The following DPH6 variants were observed in gnomAD, a reference collection of about 807,000 sequenced individuals.
The protein encoded by DPH6 is diphthamine biosynthesis 6.
In DPH6, 33 loss-of-function variants were observed where a neutral mutation model predicts 38.2. The ratio of observed to expected loss-of-function variants is 0.86; its 90% CI spans 0.65 to 1.15. The LOEUF is 1.15. DPH6 is among the 50% of genes most tolerant of loss of function. The pLI is 0.00. For synonymous variants in DPH6, 108 were observed against 103.0 expected (o/e 1.05, Z -0.30); for missense variants, 325 against 320.0 (o/e 1.02, Z -0.12).
At chr15:35,403,967 A>C (rs753866093) in intron 6 of DPH6, among the ~76,000 whole-genome samples, 1 of 152,110 alleles carries the variant, frequency 6.6e-6, no homozygotes, top group African/African-American at 2.4e-5. Flanking sequence ...AATAAGTGAC[A>C]ATGTGTGATG....
intron 3 of DPH6, among the ~76,000 whole-genome samples, chr15:35,315,312 GTTT>G (rs1275817333): frequency 6.6e-6 from 1 of 152,178 alleles, no homozygotes; most frequent in Non-Finnish European, 1.5e-5. Context: ...CTTTCCAAGA[GTTT>G]GTTGAATCCT....
In DPH6 at chr15:35,235,193, G is replaced by GAAAGAGA. The variant is rs534215524; in HGVS notation, n.201-14618_201-14612dup. Among the ~76,000 whole-genome samples the GAAAGAGA allele has an allele frequency of 2.0e-3, 297 of 152,284 alleles. 2 individuals carry two copies. The highest frequency in any genetic ancestry group is 0.017 in the South Asian group (80 of 4,818). On this transcript the variant is annotated intron_variant and non_coding_transcript_variant, in intron 3 of 3. Transcript: ENST00000560386. The stretch of plus-strand genomic sequence containing the variant: ...TACTGGAGCCACTTGGGCCACAAGT[G>GAAAGAGA]AAAGAGAGCCTGGGAGTTTTCCAAT...
chr15:35,309,258 C>A (rs2052120162), intron 3 of DPH6, among the ~76,000 whole-genome samples: 1 of 152,046 alleles, frequency 6.6e-6, no homozygotes, highest in African/African-American at 2.4e-5. Flanking sequence ...CGTTTTTAGA[C>A]ATAATTTTCT....
the DPH6 span, among the ~76,000 whole-genome samples, chr15:35,186,028 C>T: frequency 3.3e-5 from 5 of 152,232 alleles, no homozygotes; most frequent in Admixed American, 6.5e-5. Flanking sequence ...GCCACTGCGC[C>T]CGGCCCCCAG....
intron 3 of DPH6, among the ~76,000 whole-genome samples, chr15:35,226,269 T>C (rs1003998715): frequency 9.9e-5 from 15 of 152,252 alleles, no homozygotes; most frequent in Non-Finnish European, 1.8e-4. Context: ...CTTTATTTTT[T>C]CAGCTAAAAT....
At chr15:35,152,626 A>C in the DPH6 span, among the ~76,000 whole-genome samples, 1 of 152,054 alleles carries the variant, frequency 6.6e-6, no homozygotes, top group Non-Finnish European at 1.5e-5. Flanking sequence ...CAGCCTCCCA[A>C]GTAGCTAGGA....
chr15:35,230,966 G>T (rs927171360), intron 3 of DPH6, among the ~76,000 whole-genome samples: 28 of 152,344 alleles, frequency 1.8e-4, no homozygotes, highest in African/African-American at 6.3e-4. Context: ...TGTGCAGCCT[G>T]GGTTTAGGGG....
the DPH6 span, among the ~76,000 whole-genome samples, chr15:35,166,054 C>T: frequency 0.04 from 6,154 of 151,988 alleles, 144 homozygotes; most frequent in African/African-American, 0.071. Context: ...TGATGTGCTA[C>T]ACCAAAATAT....
At chr15:35,449,008 C>CA (rs2053894594) in intron 5 of DPH6, among the ~76,000 whole-genome samples, 1 of 67,560 alleles carries the variant, frequency 1.5e-5, no homozygotes, top group East Asian at 4.9e-4. Context: ...TGCTTAAATC[C>CA]AAAAAAAGTC....
chr15:35,529,750 G>T (rs527651699), intron 3 of DPH6, among the ~76,000 whole-genome samples: 1 of 152,066 alleles, frequency 6.6e-6, no homozygotes, highest in Admixed American at 6.5e-5. Flanking sequence ...AAGAATAAGA[G>T]GATTAAGAAA....
chr15:35,337,335 CT>C (rs2052381508), intron 3 of DPH6, among the ~76,000 whole-genome samples: 1 of 152,158 alleles, frequency 6.6e-6, no homozygotes, highest in East Asian at 1.9e-4. Flanking sequence ...ATTCTTCTCT[CT>C]TTTTTTCTTT....
the DPH6 span, among the ~76,000 whole-genome samples, chr15:35,154,085 T>C: frequency 1.3e-5 from 2 of 152,114 alleles, no homozygotes; most frequent in Non-Finnish European, 1.5e-5. Context: ...AAAGTTACAA[T>C]TAGGAGGAAT....
At chr15:35,439,224 C>T (rs1025135860) in intron 5 of DPH6, among the ~76,000 whole-genome samples, 1 of 152,166 alleles carries the variant, frequency 6.6e-6, no homozygotes, top group Non-Finnish European at 1.5e-5. Flanking sequence ...ATGGAATGGA[C>T]CGAACTAATG....
At chr15:35,154,862 T>A in the DPH6 span, among the ~76,000 whole-genome samples, 1 of 152,142 alleles carries the variant, frequency 6.6e-6, no homozygotes, top group African/African-American at 2.4e-5. Flanking sequence ...AGCCTGTAGA[T>A]GATTGTAATC....
chr15:35,184,302 C>T, the DPH6 span, among the ~76,000 whole-genome samples: 1 of 152,118 alleles, frequency 6.6e-6, no homozygotes, highest in East Asian at 1.9e-4. Flanking sequence ...GAAAGCTACT[C>T]TAAATCCTTC....
intron 3 of DPH6, among the ~76,000 whole-genome samples, chr15:35,255,898 G>A (rs912963009): frequency 6.6e-6 from 1 of 151,830 alleles, no homozygotes; most frequent in African/African-American, 2.4e-5. Flanking sequence ...CTCCATAATG[G>A]TGAATAACAC....
chr15:35,519,786 A>G (rs1267334924), intron 3 of DPH6: 1 of 152,308 alleles, frequency 6.6e-6, no homozygotes, highest in African/African-American at 2.4e-5. Flanking sequence ...AAAACTGTCT[A>G]TAACATGTAA....
chr15:35,465,897 G>A (rs926404612), intron 3 of DPH6, among the ~76,000 whole-genome samples: 1 of 152,160 alleles, frequency 6.6e-6, no homozygotes, highest in African/African-American at 2.4e-5. Context: ...TTAAAACAAT[G>A]TTATTTTACT....
intron 3 of DPH6, among the ~76,000 whole-genome samples, chr15:35,465,545 A>T (rs2054116332): frequency 6.6e-6 from 1 of 152,222 alleles, no homozygotes; most frequent in African/African-American, 2.4e-5. Context: ...AAATAACCAA[A>T]GAAATGAATA....
Sources: allele counts gnomAD v4.1 joint callset (sites outside exome capture counted in the v4.1 genomes callset), GRCh38; gene constraint gnomAD v4.1.1; transcripts MANE v1.5; gene names NCBI Gene and HGNC (gene_info 2026-07-23, HGNC 2026-07-21).